Variants in APEH observed in about 807,000 individuals in gnomAD.
APEH encodes the protein acylaminoacyl-peptide hydrolase.
Under a neutral mutation model 102.7 loss-of-function variants are expected in APEH, and 75 were observed. That is an observed-to-expected ratio of 0.73 (90% CI 0.61 to 0.89). The LOEUF is 0.89. APEH is among the 40% of genes least tolerant of loss of function. The pLI is 0.00. For synonymous variants in APEH, 344 were observed against 362.7 expected, an observed-to-expected ratio of 0.95 and a Z score of 0.59; for missense variants, 863 against 941.2, an observed-to-expected ratio of 0.92 and a Z score of 1.09.
rs919644573 is a variant in APEH at position 49,683,244 on chromosome 3, C to T, written c.2101C>T (p.Leu701Phe). The T allele has an allele frequency of 3.1e-6, 5 of 1,613,674 alleles. No homozygotes were observed. In the African/African-American group the frequency reaches 5.3e-5, roughly 17 times the overall value. ...KTRNVPVRLLLYPKSTHALSE... is the reference protein window; with the variant it reads ...KTRNVPVRLLFYPKSTHALSE... ...GCTGACTAATCCCTACAGGCTCCTG[C>T]TCTATCCCAAAAGCACCCACGCATT... Residue 701 changes from leucine (L) to phenylalanine (F), a missense_variant, in exon 22 of 22, where the codon CTC (leucine) becomes TTC (phenylalanine). Coordinates refer to ENST00000296456, the MANE Select transcript of APEH (RefSeq NM_001640.4).
chr3:49,676,956 C>A lies in APEH; in HGVS notation c.931C>A (p.Gln311Lys), dbSNP rs765711819. The A allele has an allele frequency of 5.0e-6, 8 of 1,614,180 alleles. No homozygotes were observed. Among genetic ancestry groups the A allele is most frequent in the Non-Finnish European group, 1.7e-6 (2 of 1,180,022 alleles). ...CTCTTCTCCCCGGCTGAGCCCAGACCAATGTCGCATTGTCTACCTGCAGTA... is the reference window on the plus strand; with the variant it reads ...CTCTTCTCCCCGGCTGAGCCCAGACAAATGTCGCATTGTCTACCTGCAGTA... Reference protein sequence around the residue: ...AVSSPRLSPDQCRIVYLQYPS... With the variant: ...AVSSPRLSPDKCRIVYLQYPS... The change falls in exon 10 of 22, where the codon CAA becomes AAA. Residue 311 changes from glutamine to lysine, a missense_variant. Transcript: ENST00000296456.
chr3:49,682,141 G>A (rs2053354998), intron 17 of APEH, among the ~76,000 whole-genome samples, 174 bp downstream of exon 17: 1 of 152,230 alleles, frequency 6.6e-6, no homozygotes, highest in Admixed American at 6.5e-5. Context: ...GTGGCATAGT[G>A]ATAACAAGGA....
Position 49,679,004 on chromosome 3 carries a change from C to T in APEH, c.1158+55C>T. The T allele has an allele frequency of 6.7e-7, 1 of 1,483,292 alleles. No homozygotes were observed. Among genetic ancestry groups the T allele is most frequent in the South Asian group, 1.1e-5 (1 of 88,234 alleles). 91.9% of individuals were successfully genotyped at this position (1,483,292 alleles called of 1,614,324 possible). A position where few individuals can be genotyped will look rare whatever the true frequency, so the allele number is the denominator to read the frequency against. ...GCCCCTGTGGTCAACCCCCAGGAGCCCTGGGGGTTGCATGTGCATGCCCCT... is the reference window on the plus strand; with the variant it reads ...GCCCCTGTGGTCAACCCCCAGGAGCTCTGGGGGTTGCATGTGCATGCCCCT... On this transcript the variant is annotated intron_variant, in intron 12 of 21. Transcript: ENST00000296456. The surrounding 1 kb of genome is among the most constrained non-coding windows in gnomAD (Gnocchi z 4.3).
At chr3:49,674,760 A>G in intron 2 of APEH, 139 bp downstream of exon 2, 1 of 1,214,160 alleles carries the variant, frequency 8.2e-7, no homozygotes, top group Non-Finnish European at 1.1e-6. Flanking sequence ...ACACTCCCAC[A>G]GGTCCCTGCA....
chr3:49,680,047 G>GT (rs1011456349), intron 13 of APEH: 1 of 241,668 alleles, frequency 4.1e-6, no homozygotes, highest in African/African-American at 2.2e-5. Flanking sequence ...AAAGCCCAGT[G>GT]TTGACTCCCC....
In APEH at chr3:49,674,557, C is replaced by T. The variant is rs1341626571; in HGVS notation, c.81C>T (p.Ser27=). The T allele has an allele frequency of 6.4e-7, 1 of 1,566,206 alleles. No individual in the cohort carries two copies. The highest frequency in any genetic ancestry group is 8.6e-7 in the Non-Finnish European group (1 of 1,164,798). The change falls in exon 2 of 22, where the codon AGC becomes AGT. Residue 27 remains serine (S), a synonymous_variant. Coordinates refer to ENST00000296456, the MANE Select transcript of APEH (RefSeq NM_001640.4). ...GCCTTAGCCGCCAGCCCGCGCTGAG[C>T]GCCGCCTGCCTGGGCCCGGAGGTCA... The part of the protein sequence containing the change: ...YRGLSRQPAL[S]AACLGPEVTT...
At chr3:49,681,077 T>A (rs370822833) in intron 14 of APEH, 24 bp from the exon 15 acceptor site, 1 of 1,556,926 alleles carries the variant, frequency 6.4e-7, no homozygotes, top group Admixed American at 1.9e-5. Context: ...AGGCCACCTA[T>A]GACACATTCT....
chr3:49,675,797 C>A lies in APEH; in HGVS notation c.366+10C>A, dbSNP rs368796667. 1.1e-5 allele frequency: 17 copies of A among 1,613,430 alleles called. No individual in the cohort carries two copies. In the African/African-American group the frequency reaches 2.0e-4, roughly 19 times the overall value. On this transcript the variant is annotated intron_variant, in intron 4 of 21. Coordinates refer to ENST00000296456, the MANE Select transcript of APEH (RefSeq NM_001640.4). ...GAAGCAGTTCCTGGAGGTGAGTCTGCATGGGACCAGGTAGTGGGTGACAAG... is the reference window on the plus strand; with the variant it reads ...GAAGCAGTTCCTGGAGGTGAGTCTGAATGGGACCAGGTAGTGGGTGACAAG...
chr3:49,677,695 T>C (rs1184461382), intron 11 of APEH, 62 bp downstream of exon 11: 1 of 1,462,420 alleles, frequency 6.8e-7, no homozygotes, highest in Non-Finnish European at 9.6e-7. Context: ...CTGCCGTCTG[T>C]TGCATCCCTG....
intron 2 of APEH, 61 bp from the exon 3 acceptor site, chr3:49,675,122 C>G (rs2052964088): frequency 1.2e-6 from 2 of 1,608,452 alleles, no homozygotes; most frequent in Non-Finnish European, 1.7e-6. Context: ...TCAGGTGGGG[C>G]TGGGGGCAGT....
Position 49,676,919 on chromosome 3 carries a change from C to T in APEH, c.894C>T (p.Asp298=). Reference sequence around the variant, plus strand: ...CTGGCCCAGAGCTCCTCTCGGATGACTCCCTGGCTGTCTCTTCTCCCCGGC... The same window carrying T: ...CTGGCCCAGAGCTCCTCTCGGATGATTCCCTGGCTGTCTCTTCTCCCCGGC... ...IGGKCELLSD[D]SLAVSSPRLS... is the part of the protein sequence containing the mutation. The change falls in exon 10 of 22, where the codon GAC becomes GAT. Residue 298 remains aspartate (D), a synonymous_variant. Coordinates refer to ENST00000296456, the MANE Select transcript of APEH (RefSeq NM_001640.4). The T allele has an allele frequency of 6.2e-7, 1 of 1,614,228 alleles. No individual in the cohort carries two copies. The highest frequency in any genetic ancestry group is 1.7e-5 in the Admixed American group (1 of 60,032).
chr3:49,682,006 G>C, intron 17 of APEH, 39 bp downstream of exon 17: 2 of 1,586,466 alleles, frequency 1.3e-6, no homozygotes, highest in African/African-American at 2.7e-5. Flanking sequence ...TAGGACTACA[G>C]TGGAGTGACG....
Position 49,683,952 on chromosome 3 carries a change from G to A in APEH, c.*610G>A, listed in dbSNP as rs2053472533. ...CAAAGGCTAAGAAGCATCTGTACAG[G>A]CATAAAGAGGAAACATGGCTTTATG... On this transcript the variant is annotated 3_prime_UTR_variant, in exon 22 of 22. Coordinates refer to ENST00000296456, the MANE Select transcript of APEH (RefSeq NM_001640.4). The A allele has an allele frequency of 3.2e-6, 5 of 1,561,608 alleles. No homozygotes were observed. Among genetic ancestry groups the A allele is most frequent in the Non-Finnish European group, 4.3e-6 (5 of 1,152,646 alleles).
At chr3:49,680,676 G>A in intron 14 of APEH, 47 bp downstream of exon 14, 1 of 1,547,920 alleles carries the variant, frequency 6.5e-7, no homozygotes, top group South Asian at 1.1e-5. Context: ...GTTCTGGGCA[G>A]GCAGAGCTCA....
Position 49,681,115 on chromosome 3 carries a change from G to T in APEH, c.1314G>T (p.Leu438=), listed in dbSNP as rs1262962110. 1.9e-6 allele frequency: 3 copies of T among 1,588,650 alleles called. No homozygotes were observed. The highest frequency in any genetic ancestry group is 2.6e-6 in the Non-Finnish European group (3 of 1,167,122). The change falls in exon 15 of 22, where the codon CTG becomes CTT. Residue 438 remains leucine (L), a synonymous_variant. Transcript: ENST00000296456. ...CCCCTTGGCAGAAAGTTGGGTTCCT[G>T]CCTTCTGCAGGGAAGGAGCAGTCAG... is the stretch of plus-strand genomic sequence containing the variant. The part of the protein sequence containing the change: ...SLPPTLKVGF[L]PSAGKEQSVL...
At chr3:49,674,697 G>C in intron 2 of APEH, 76 bp downstream of exon 2, 6 of 1,546,066 alleles carry the variant, frequency 3.9e-6, no homozygotes, top group Non-Finnish European at 5.2e-6. Flanking sequence ...TGGAGGGCTC[G>C]CTGCTTGACA....
intron 15 of APEH, 128 bp from the exon 16 acceptor site, chr3:49,681,594 G>A (rs1007564164): frequency 4.8e-6 from 4 of 836,026 alleles, no homozygotes; most frequent in Non-Finnish European, 7.3e-6. Flanking sequence ...GGGTCCATGT[G>A]TCATGGTGTG....
Position 49,679,074 on chromosome 3 carries a change from C to A in APEH, c.1158+125C>A. ...AAAGTCTCATCAGCCCCTTAAAACC[C>A]TGCCTGCCCATCCTGGACTCATTTC... On this transcript the variant is annotated intron_variant, in intron 12 of 21. Coordinates refer to ENST00000296456, the MANE Select transcript of APEH (RefSeq NM_001640.4). This position sits in a 1 kb window ranked among gnomAD's most constrained non-coding sequence, Gnocchi z 4.3. 1.3e-6 allele frequency: 1 copy of A among 742,366 alleles called. No individual in the cohort carries two copies. Among genetic ancestry groups the A allele is most frequent in the East Asian group, 2.7e-5 (1 of 37,234 alleles). 46.0% of individuals were successfully genotyped at this position (742,366 alleles called of 1,614,324 possible).
Position 49,681,166 on chromosome 3 carries a change from C to T in APEH, c.1365C>T (p.Ala455=), listed in dbSNP as rs148073833. 2.4e-5 allele frequency: 39 copies of T among 1,610,388 alleles called. 1 individual carries two copies. In the South Asian group the frequency reaches 2.8e-4, roughly 11 times the overall value. The change falls in exon 15 of 22, where the codon GCC becomes GCT. Residue 455 remains alanine, a synonymous_variant. Transcript: ENST00000296456. ...QSVLWVSLEE[A]EPIPDIHWGI... ...TGTTGTGGGTGTCCCTGGAGGAGGC[C>T]GAGCCCATTCCCGACATCCACTGGG...
Sources: gnomAD v4.1 joint callset for allele counts (sites outside exome capture counted in the v4.1 genomes callset) on GRCh38, gnomAD v4.1.1 for gene constraint, Gnocchi (gnomAD v3.1) non-coding constraint, MANE v1.5 for transcripts, NCBI Gene and HGNC (gene_info 2026-07-23, HGNC 2026-07-21) for gene names.